PTPRN2: variants seen among roughly 807,000 people sequenced by gnomAD.
PTPRN2 encodes receptor-type tyrosine-protein phosphatase N2.
PTPRN2 carries 74 observed loss-of-function variants against 118.8 expected under a neutral mutation model. That is an observed-to-expected ratio of 0.62 (90% CI 0.52 to 0.76). The LOEUF (loss-of-function observed/expected upper bound fraction) is 0.76. Among genes scored for constraint, PTPRN2 ranks in the 30% least tolerant of loss-of-function variants. The probability of loss-of-function intolerance (pLI) is 0.00; values close to 1 mark genes in which losing one functional copy is unlikely to be tolerated. For missense variants in PTPRN2, 1,481 were observed against 1,394.4 expected, an observed-to-expected ratio of 1.06 and a Z score of -0.99; for synonymous variants, 641 against 608.0, an observed-to-expected ratio of 1.05 and a Z score of -0.80.
chr7:158,152,318 G>A (rs1821276625), intron 6 of PTPRN2, among the ~76,000 whole-genome samples: 1 of 152,206 alleles, frequency 6.6e-6, no homozygotes, highest in Non-Finnish European at 1.5e-5. Context: ...TTGAGAAGGT[G>A]AAGTTTCAGC....
chr7:158,245,153 C>T (rs1008261765), intron 3 of PTPRN2, among the ~76,000 whole-genome samples: 4 of 152,016 alleles, frequency 2.6e-5, no homozygotes, highest in Admixed American at 6.6e-5. Flanking sequence ...TGCCAGAATC[C>T]GTGGCCATGC....
In PTPRN2 at chr7:158,277,889, C is replaced by T. The variant is rs377605914; in HGVS notation, c.277+38930G>A. ...CTTCTCCTGTCTGGCATCACGGCTG[C>T]GGCAGAGTCTAAGAGAAAGGCTCTC... On this transcript the variant is annotated intron_variant, in intron 3 of 22. Coordinates refer to ENST00000389418, the MANE Select transcript of PTPRN2 (RefSeq NM_002847.5). Among the ~76,000 whole-genome samples, 68 of 152,266 alleles carry T rather than the reference C, an allele frequency of 4.5e-4. 1 individual carries two copies. The East Asian group carries it at 0.012, about 27-fold the overall frequency.
chr7:157,622,372 G>A lies in PTPRN2; in HGVS notation c.2197-863C>T, dbSNP rs977843287. Among the ~76,000 whole-genome samples, 3 of 152,032 alleles carry A rather than the reference G, an allele frequency of 2.0e-5. No individual in the cohort carries two copies. Among genetic ancestry groups the A allele is most frequent in the Non-Finnish European group, 4.4e-5 (3 of 68,028 alleles). ...TACACATGGTCCTTTGCTGCAAAGC[G>A]GCCACGCATTCCAATGTCAGGCCCG... On this transcript the variant is annotated intron_variant, in intron 14 of 22. Coordinates refer to ENST00000389418, the MANE Select transcript of PTPRN2 (RefSeq NM_002847.5). The surrounding 1 kb of genome is among the most constrained non-coding windows in gnomAD (Gnocchi z 5.3).
rs756688328 is a variant in PTPRN2, at chr7:158,138,500, G to A, written c.926C>T (p.Thr309Ile). Residue 309 changes from threonine to isoleucine, a missense_variant, in exon 7 of 23, where the codon ACC becomes ATC. Physicochemically the swap from Thr to Ile is moderately conservative, Grantham distance 89 (BLOSUM62 -1). Coordinates refer to ENST00000389418, the MANE Select transcript of PTPRN2 (RefSeq NM_002847.5). ...SSTGDGARIH[T>I]LLKDLQRQPA... Reference sequence around the variant, plus strand: ...CTGCCTCTGCAGGTCCTTCAGGAGGGTATGAATCCGTGCTCCTAGGGGCAC... The same window carrying A: ...CTGCCTCTGCAGGTCCTTCAGGAGGATATGAATCCGTGCTCCTAGGGGCAC... 6.2e-7 allele frequency: 1 copy of A among 1,611,860 alleles called. No homozygotes were observed.
At chr7:158,090,738 T>C (rs1300901075) in intron 10 of PTPRN2, among the ~76,000 whole-genome samples, 3 of 152,246 alleles carry the variant, frequency 2.0e-5, no homozygotes, top group Non-Finnish European at 4.4e-5. Context: ...GAGTTCTGCG[T>C]AAAAGGCCTT....
At chr7:157,855,978 G>A (rs2151217270) in intron 12 of PTPRN2, 1 of 152,340 alleles carries the variant, frequency 6.6e-6, no homozygotes, top group Admixed American at 6.5e-5. Flanking sequence ...CTTGATTTAA[G>A]GCTCCTGCAG....
chr7:158,523,416 A>AGTCGTCTGCCCTGGAGTGGAGTC (rs1193434782), intron 1 of PTPRN2, among the ~76,000 whole-genome samples: 1 of 130,118 alleles, frequency 7.7e-6, no homozygotes, highest in East Asian at 2.6e-4. Flanking sequence ...CCTGGAGCGG[A>AGTCGTCTGCCCTGGAGTGGAGTC]GTCTGCCCTG....
Position 157,794,061 on chromosome 7 carries a change from G to A in PTPRN2, c.1788+104612C>T, listed in dbSNP as rs116297960. Among the ~76,000 whole-genome samples, 2,195 of 151,922 alleles carry A rather than the reference G, an allele frequency of 0.014. 48 individuals are homozygous for A. Among genetic ancestry groups the A allele is most frequent in the African/African-American group, 0.049 (2,007 of 41,234 alleles). ...ACCTCGAGGGGCCCAGGACAAGCTC[G>A]GGGCCCAGGTGGCCGGGAGGGGGCC... is the stretch of plus-strand genomic sequence containing the variant. On this transcript the variant is annotated intron_variant, in intron 12 of 22. Transcript: ENST00000389418. This position sits in a 1 kb window ranked among gnomAD's most constrained non-coding sequence, Gnocchi z 5.2.
Position 157,900,257 on chromosome 7 carries a change from C to T in PTPRN2, c.1724-1520G>A, listed in dbSNP as rs78165364. Among the ~76,000 whole-genome samples, 677 of 152,310 alleles carry T rather than the reference C, an allele frequency of 4.4e-3. 5 individuals carry two copies. Among genetic ancestry groups the T allele is most frequent in the African/African-American group, 0.015 (625 of 41,566 alleles). On this transcript the variant is annotated intron_variant, in intron 11 of 22. Transcript: ENST00000389418. ...GTCGCAGCTACTCAGCCCTGCCTTGCAGCGTGGAGGTAGCTGCAGACCACG... is the reference window on the plus strand; with the variant it reads ...GTCGCAGCTACTCAGCCCTGCCTTGTAGCGTGGAGGTAGCTGCAGACCACG...
chr7:158,376,654 T>C (rs1810546727), intron 2 of PTPRN2, among the ~76,000 whole-genome samples: 1 of 113,816 alleles, frequency 8.8e-6, no homozygotes, highest in African/African-American at 3.6e-5. Flanking sequence ...TCACACGTCC[T>C]GCATGCGGGG....
At chr7:157,645,189 T>C (rs1320348918) in intron 14 of PTPRN2, among the ~76,000 whole-genome samples, 1 of 152,136 alleles carries the variant, frequency 6.6e-6, no homozygotes. Flanking sequence ...TCGAGGCTGC[T>C]GGCCTTGCTG....
At chr7:158,410,986 C>CACAGGGAAGGGGTGACGGGACA (rs1554494807) in intron 2 of PTPRN2, among the ~76,000 whole-genome samples, 3 of 66,046 alleles carry the variant, frequency 4.5e-5, no homozygotes, top group African/African-American at 1.9e-4. Flanking sequence ...AGACATGGAG[C>CACAGGGAAGGGGTGACGGGACA]GTGAGTAGGA....
At chr7:158,560,279 T>A (rs1277363109) in intron 1 of PTPRN2, among the ~76,000 whole-genome samples, 1 of 152,270 alleles carries the variant, frequency 6.6e-6, no homozygotes, top group East Asian at 1.9e-4. Context: ...GCTATGAGCA[T>A]GGATGTGCCA....
chr7:158,162,848 G>A (rs1426159350), intron 6 of PTPRN2, among the ~76,000 whole-genome samples: 1 of 152,168 alleles, frequency 6.6e-6, no homozygotes, highest in East Asian at 1.9e-4. Context: ...TTGGGAGCAG[G>A]TACGCGTGGG....
chr7:157,562,891 C>CG (rs1799270861), intron 21 of PTPRN2, among the ~76,000 whole-genome samples: 1 of 140,518 alleles, frequency 7.1e-6, no homozygotes, highest in South Asian at 2.4e-4. Context: ...ATCAGGACCA[C>CG]GTGCTCCCGC....
rs1444553396 is a variant in PTPRN2 at position 157,964,080 on chromosome 7, G to A, written c.1724-65343C>T. ...TCCCAATAGATCTTAGTCTTCATCTGTAAGAGGCTGTTGAGGGCACGACCA... is the reference window on the plus strand; with the variant it reads ...TCCCAATAGATCTTAGTCTTCATCTATAAGAGGCTGTTGAGGGCACGACCA... On this transcript the variant is annotated intron_variant, in intron 11 of 22. Transcript: ENST00000389418. The surrounding 1 kb of genome is among the most constrained non-coding windows in gnomAD (Gnocchi z 9.0). 6.6e-6 allele frequency among the ~76,000 whole-genome samples: 1 copy of A among 152,110 alleles called. No individual in the cohort carries two copies. The highest frequency in any genetic ancestry group is 2.4e-5 in the African/African-American group (1 of 41,422).
intron 11 of PTPRN2, among the ~76,000 whole-genome samples, chr7:158,009,799 G>T (rs374670947): frequency 1.5e-3 from 226 of 152,298 alleles, no homozygotes; most frequent in African/African-American, 5.4e-3. Context: ...CACCAACCAA[G>T]CATTTAAATT....
intron 13 of PTPRN2, among the ~76,000 whole-genome samples, chr7:157,657,901 GACACAC>G (rs144584402): frequency 3.8e-5 from 4 of 104,254 alleles, no homozygotes; most frequent in Non-Finnish European, 5.7e-5. Flanking sequence ...ACACATCACA[GACACAC>G]ACACACCACA....
intron 12 of PTPRN2, among the ~76,000 whole-genome samples, chr7:157,875,560 C>T (rs952334623): frequency 2.0e-5 from 3 of 152,224 alleles, no homozygotes; most frequent in African/African-American, 7.2e-5. Flanking sequence ...AAAGGGAGAT[C>T]GTTCCAGCCA....
Sources: allele counts gnomAD v4.1 joint callset (sites outside exome capture counted in the v4.1 genomes callset), GRCh38; gene constraint gnomAD v4.1.1; non-coding constraint Gnocchi (gnomAD v3.1); transcripts MANE v1.5; gene names NCBI Gene and HGNC (gene_info 2026-07-23, HGNC 2026-07-21).